The following KCNH7 variants were observed in gnomAD, a reference collection of about 807,000 sequenced individuals.
KCNH7 encodes potassium voltage-gated channel subfamily H member 7.
KCNH7 carries 49 observed loss-of-function variants against 120.8 expected under a neutral mutation model. The ratio of observed to expected loss-of-function variants is 0.41; its 90% CI spans 0.32 to 0.51. The LOEUF is 0.51. KCNH7 is among the 20% of genes least tolerant of loss of function. The probability of loss-of-function intolerance (pLI) is 0.38; values close to 1 mark genes in which losing one functional copy is unlikely to be tolerated. For missense variants in KCNH7, 1,097 were observed against 1,446.6 expected, an observed-to-expected ratio of 0.76 and a Z score of 3.92; for synonymous variants, 547 against 516.1, an observed-to-expected ratio of 1.06 and a Z score of -0.81.
At chr2:162,755,426 C>T (rs1478431704) in intron 2 of KCNH7, among the ~76,000 whole-genome samples, 3 of 152,090 alleles carry the variant, frequency 2.0e-5, no homozygotes, top group Non-Finnish European at 4.4e-5. Context: ...GAGCTGAGAT[C>T]ATGTCATTGC....
intron 2 of KCNH7, among the ~76,000 whole-genome samples, chr2:162,569,821 T>G (rs1693398917): frequency 7.1e-6 from 1 of 141,216 alleles, no homozygotes. Flanking sequence ...TTGTTCAGTG[T>G]CCATGTAGTT....
At chr2:162,566,714 G>T (rs1371711854) in intron 2 of KCNH7, among the ~76,000 whole-genome samples, 1 of 152,036 alleles carries the variant, frequency 6.6e-6, no homozygotes, top group African/African-American at 2.4e-5. Context: ...CCATTGTAGG[G>T]CTTCCATTCT....
At chr2:162,533,577 C>T (rs1167547788) in intron 3 of KCNH7, among the ~76,000 whole-genome samples, 4 of 151,592 alleles carry the variant, frequency 2.6e-5, no homozygotes, top group African/African-American at 7.2e-5. Flanking sequence ...AAATGAGATA[C>T]TTTGTAATGC....
At chr2:162,681,475 A>G (rs181909495) in intron 2 of KCNH7, among the ~76,000 whole-genome samples, 417 of 151,894 alleles carry the variant, frequency 2.7e-3, no homozygotes, top group African/African-American at 9.8e-3. Context: ...TGAACTATGC[A>G]CTGTTCTCTA....
At position 162,731,157 on chromosome 2, in the gene KCNH7, G is replaced by A. The variant is rs191694820; in HGVS notation, c.307+105380C>T. Among the ~76,000 whole-genome samples, 668 of 151,024 alleles carry A rather than the reference G, an allele frequency of 4.4e-3. 6 individuals carry two copies. The highest frequency in any genetic ancestry group is 6.6e-3 in the Non-Finnish European group (444 of 67,632). On this transcript the variant is annotated intron_variant, in intron 2 of 15. Coordinates refer to ENST00000332142, the MANE Select transcript of KCNH7 (RefSeq NM_033272.4). Reference sequence around the variant, plus strand: ...AGTAACATGGAAAAAATAAAGTAGAGACTTGAGAAGACCTTCTGCAATGCA... The same window carrying A: ...AGTAACATGGAAAAAATAAAGTAGAAACTTGAGAAGACCTTCTGCAATGCA...
intron 2 of KCNH7, among the ~76,000 whole-genome samples, chr2:162,698,659 T>G (rs902029051): frequency 6.6e-6 from 1 of 152,148 alleles, no homozygotes; most frequent in Non-Finnish European, 1.5e-5. Context: ...AGGTTCTACA[T>G]TTACTTAGAG....
intron 2 of KCNH7, among the ~76,000 whole-genome samples, chr2:162,675,572 A>G (rs1685507198): frequency 6.6e-6 from 1 of 151,556 alleles, no homozygotes; most frequent in South Asian, 2.1e-4. Context: ...ACACATCAAT[A>G]CAAGGTAAAT....
chr2:162,548,344 T>C (rs2105851338), intron 2 of KCNH7, among the ~76,000 whole-genome samples: 1 of 152,322 alleles, frequency 6.6e-6, no homozygotes. Flanking sequence ...ATGGCAGGGA[T>C]TGCTTTGCAG....
intron 2 of KCNH7, among the ~76,000 whole-genome samples, chr2:162,758,273 A>G (rs915438066): frequency 6.6e-6 from 1 of 152,194 alleles, no homozygotes; most frequent in Non-Finnish European, 1.5e-5. Context: ...GGGCAGATAT[A>G]AACATTGGGC....
chr2:162,533,528 T>C (rs1159743476), intron 3 of KCNH7, among the ~76,000 whole-genome samples: 2 of 151,756 alleles, frequency 1.3e-5, no homozygotes, highest in African/African-American at 2.4e-5. Flanking sequence ...TGTCATGATT[T>C]AAGATACAGT....
chr2:162,452,297 C>A (rs1688802629), intron 6 of KCNH7, among the ~76,000 whole-genome samples: 1 of 151,876 alleles, frequency 6.6e-6, no homozygotes, highest in South Asian at 2.1e-4. Flanking sequence ...ATTCTAGAAT[C>A]TTATTCAGAA....
At chr2:162,420,962 A>G (rs1474342358) in intron 9 of KCNH7, among the ~76,000 whole-genome samples, 1 of 152,086 alleles carries the variant, frequency 6.6e-6, no homozygotes, top group Non-Finnish European at 1.5e-5. Flanking sequence ...TAAACTCTCA[A>G]TAGTCTAAGG....
At chr2:162,742,511 C>A in intron 2 of KCNH7, among the ~76,000 whole-genome samples, 1 of 151,994 alleles carries the variant, frequency 6.6e-6, no homozygotes, top group Non-Finnish European at 1.5e-5. Flanking sequence ...ATATTTCATT[C>A]CTTAATAAAA....
intron 2 of KCNH7, among the ~76,000 whole-genome samples, chr2:162,637,018 A>G (rs1683985076): frequency 6.6e-6 from 1 of 152,130 alleles, no homozygotes; most frequent in Non-Finnish European, 1.5e-5. Flanking sequence ...AAAGGAATTC[A>G]TTAGAGGCTC....
chr2:162,658,744 A>G (rs934681986), intron 2 of KCNH7, among the ~76,000 whole-genome samples: 5 of 152,148 alleles, frequency 3.3e-5, no homozygotes, highest in Non-Finnish European at 7.3e-5. Flanking sequence ...TGTAATTAGC[A>G]TTATATTTTA....
At chr2:162,806,735 C>T (rs982401206) in intron 2 of KCNH7, among the ~76,000 whole-genome samples, 6 of 152,080 alleles carry the variant, frequency 3.9e-5, no homozygotes, top group African/African-American at 1.4e-4. Flanking sequence ...ACTAGCAATA[C>T]TGGAAATTTA....
chr2:162,476,117 C>T (rs1313896281), intron 6 of KCNH7, among the ~76,000 whole-genome samples: 1 of 152,194 alleles, frequency 6.6e-6, no homozygotes, highest in Non-Finnish European at 1.5e-5. Flanking sequence ...TGAAGCCTCC[C>T]AAAGCCTGCC....
Position 162,371,783 on chromosome 2 carries a change from C to T in KCNH7, c.*46G>A. The T allele has an allele frequency of 6.5e-7, 1 of 1,534,836 alleles. No homozygotes were observed. Among genetic ancestry groups the T allele is most frequent in the Non-Finnish European group, 8.9e-7 (1 of 1,124,134 alleles). On this transcript the variant is annotated 3_prime_UTR_variant, in exon 16 of 16. Transcript: ENST00000332142. ...ATTTAAATAGAAAAAGGAAAACAGCCATTAAAAGCACTTACATTGTATGTG... is the reference window on the plus strand; with the variant it reads ...ATTTAAATAGAAAAAGGAAAACAGCTATTAAAAGCACTTACATTGTATGTG...
chr2:162,584,848 T>A (rs1478077424), intron 2 of KCNH7, among the ~76,000 whole-genome samples: 1 of 24,570 alleles, frequency 4.1e-5, no homozygotes, highest in Non-Finnish European at 5.9e-5. Flanking sequence ...TCCTTTTAAT[T>A]TTTTTTTTTT....
Sources: gnomAD v4.1 joint callset for allele counts (sites outside exome capture counted in the v4.1 genomes callset) on GRCh38, gnomAD v4.1.1 for gene constraint, MANE v1.5 for transcripts, NCBI Gene and HGNC (gene_info 2026-07-23, HGNC 2026-07-21) for gene names.